The following HOMER2 variants were observed in gnomAD, a reference collection of about 807,000 sequenced individuals.
HOMER2 encodes homer scaffold protein 2, also known as homer protein homolog 2.
HOMER2 carries 27 observed loss-of-function variants against 47.0 expected under a neutral mutation model. The ratio of observed to expected loss-of-function variants is 0.57; its 90% CI spans 0.42 to 0.79. The LOEUF is 0.79. Ranked by LOEUF, HOMER2 falls within the 30% of genes least tolerant of loss-of-function variation. The pLI is 0.00. For synonymous variants in HOMER2, 161 were observed against 163.8 expected (o/e 0.98, Z 0.13); for missense variants, 443 against 435.0 (o/e 1.02, Z -0.16).
At chr15:82,835,082 A>C (rs2051109978), downstream of HOMER2, 2 of 152,168 alleles carry the variant, frequency 1.3e-5, no homozygotes, top group South Asian at 4.1e-4. Context: ...CTCGTTTACA[A>C]AGAAAGTCCT....
intron 1 of HOMER2, among the ~76,000 whole-genome samples, chr15:82,928,960 A>AAAAAAAAAAAAAAAAAAAAAAT (rs2053933614): frequency 1.3e-5 from 2 of 148,846 alleles, no homozygotes; most frequent in African/African-American, 2.5e-5. Flanking sequence ...AAAAAAAAAA[A>AAAAAAAAAAAAAAAAAAAAAAT]GCTGTCATGC....
rs376685219 is a variant in HOMER2, at chr15:82,932,192, C to T, written c.5+20339G>A. Among the ~76,000 whole-genome samples the T allele has an allele frequency of 3.2e-3, 484 of 152,236 alleles. 4 individuals are homozygous for T. The highest frequency in any genetic ancestry group is 7.9e-3 in the African/African-American group (330 of 41,560). ...AGGCCTATGCAGGAGAGCTCATTCC[C>T]GAGTAAGATGTAGGGAAGAGGGCCG... On this transcript the variant is annotated intron_variant, in intron 1 of 8. Coordinates refer to ENST00000450735, the MANE Select transcript of HOMER2 (RefSeq NM_004839.4).
intron 1 of HOMER2, among the ~76,000 whole-genome samples, chr15:82,941,723 C>T (rs980967595): frequency 1.3e-5 from 2 of 152,010 alleles, no homozygotes; most frequent in African/African-American, 4.8e-5. Context: ...GCCCAAAGCT[C>T]TCTCCTTCAT....
chr15:82,940,562 T>G (rs2151216934), intron 1 of HOMER2, among the ~76,000 whole-genome samples: 1 of 152,134 alleles, frequency 6.6e-6, no homozygotes, highest in Admixed American at 6.5e-5. Context: ...GCTAACACAG[T>G]GAAACCCCAT....
At chr15:82,932,717 C>T (rs1023095778) in intron 1 of HOMER2, among the ~76,000 whole-genome samples, 4 of 152,128 alleles carry the variant, frequency 2.6e-5, no homozygotes, top group Non-Finnish European at 4.4e-5. Context: ...CCGCAAAGCT[C>T]GGCCCTCAAG....
chr15:82,932,506 A>G (rs888808937), intron 1 of HOMER2, among the ~76,000 whole-genome samples: 3 of 152,054 alleles, frequency 2.0e-5, no homozygotes, highest in Admixed American at 2.0e-4. Flanking sequence ...GTCTCAAAAA[A>G]AAAAAAGAAA....
chr15:82,895,893 A>G (rs977156073), intron 1 of HOMER2, among the ~76,000 whole-genome samples: 2 of 152,170 alleles, frequency 1.3e-5, no homozygotes, highest in African/African-American at 4.8e-5. Flanking sequence ...AAGGGGCTCC[A>G]TTTTTAAGAA....
rs149277293 is a variant in HOMER2 at position 82,906,518 on chromosome 15, C to T, written c.6-13677G>A. ...CTCAATCTCGGCTCACTGCAACCTC[C>T]GCCTCCCGGGTTCAAGTGATTCTCC... On this transcript the variant is annotated intron_variant, in intron 1 of 8. Coordinates refer to ENST00000450735, the MANE Select transcript of HOMER2 (RefSeq NM_004839.4). Among the ~76,000 whole-genome samples the T allele has an allele frequency of 3.9e-3, 598 of 151,900 alleles. 3 individuals are homozygous for T. The highest frequency in any genetic ancestry group is 6.9e-3 in the Non-Finnish European group (467 of 67,936).
At chr15:82,936,675 C>T (rs561014877) in intron 1 of HOMER2, among the ~76,000 whole-genome samples, 3 of 152,214 alleles carry the variant, frequency 2.0e-5, no homozygotes, top group South Asian at 2.1e-4. Context: ...CAGGTTCAAG[C>T]GATCCTCCCA....
intron 1 of HOMER2, among the ~76,000 whole-genome samples, chr15:82,977,166 G>A (rs2030235298): frequency 6.6e-6 from 1 of 150,996 alleles, no homozygotes; most frequent in South Asian, 2.1e-4. Flanking sequence ...GCAAAATGCT[G>A]AAAAAAAAAG....
chr15:82,968,009 T>C (rs1335456666), intron 1 of HOMER2, among the ~76,000 whole-genome samples: 1 of 152,228 alleles, frequency 6.6e-6, no homozygotes, highest in Non-Finnish European at 1.5e-5. Flanking sequence ...TTCAAAAATA[T>C]ATATAACATA....
At chr15:82,949,435 G>A (rs927696378) in intron 1 of HOMER2, among the ~76,000 whole-genome samples, 1 of 152,136 alleles carries the variant, frequency 6.6e-6, no homozygotes, top group Admixed American at 6.5e-5. Context: ...TTTGAGGAGA[G>A]GGAGTGGTCA....
intron 3 of HOMER2, among the ~76,000 whole-genome samples, chr15:82,873,755 C>T (rs1045112788): frequency 6.6e-6 from 1 of 152,222 alleles, no homozygotes; most frequent in East Asian, 1.9e-4. Context: ...TCTCAGGCTT[C>T]TAAGGAAACA....
intron 1 of HOMER2, among the ~76,000 whole-genome samples, chr15:82,948,418 C>T (rs1271479915): frequency 6.8e-6 from 1 of 148,108 alleles, no homozygotes; most frequent in South Asian, 2.1e-4. Context: ...AAAGAATTAG[C>T]TGGGTGTGAT....
upstream of HOMER2, among the ~76,000 whole-genome samples, chr15:82,956,012 G>A (rs1242161556): frequency 6.6e-6 from 1 of 152,088 alleles, no homozygotes; most frequent in Non-Finnish European, 1.5e-5. Flanking sequence ...GGCCAAGGCA[G>A]GCAGATCACT....
intron 1 of HOMER2, among the ~76,000 whole-genome samples, chr15:82,984,945 G>A (rs1224450269): frequency 6.6e-6 from 1 of 152,170 alleles, no homozygotes; most frequent in African/African-American, 2.4e-5. Flanking sequence ...ATTTTAGTTC[G>A]AAGTTAGAAA....
chr15:82,951,927 T>C (rs1040596672), intron 1 of HOMER2: 1 of 374,606 alleles, frequency 2.7e-6, no homozygotes, highest in African/African-American at 2.2e-5. Context: ...CTTTATATAC[T>C]CAGAAGCATT....
At chr15:82,866,297 A>AGC (rs368415316) in intron 3 of HOMER2, among the ~76,000 whole-genome samples, 9 of 151,912 alleles carry the variant, frequency 5.9e-5, no homozygotes, top group African/African-American at 2.2e-4. Flanking sequence ...TGGGGCCTGT[A>AGC]GCCCCTTTGT....
intron 1 of HOMER2, among the ~76,000 whole-genome samples, chr15:82,897,737 G>A (rs1189975364): frequency 6.6e-6 from 1 of 152,240 alleles, no homozygotes; most frequent in Non-Finnish European, 1.5e-5. Context: ...CCAACTGACA[G>A]ACAGGAACTG....
Sources: allele counts gnomAD v4.1 joint callset (sites outside exome capture counted in the v4.1 genomes callset), GRCh38; gene constraint gnomAD v4.1.1; transcripts MANE v1.5; gene names NCBI Gene and HGNC (gene_info 2026-07-23, HGNC 2026-07-21).